The following RASSF5 variants were observed in gnomAD, a reference collection of about 807,000 sequenced individuals.
The protein encoded by RASSF5 is Ras association domain family member 5.
In RASSF5, 25 loss-of-function variants were observed where a neutral mutation model predicts 40.5. That is an observed-to-expected ratio of 0.62 (90% CI 0.45 to 0.86). The LOEUF (loss-of-function observed/expected upper bound fraction) is 0.86. RASSF5 is among the 40% of genes least tolerant of loss of function. The pLI, the probability that RASSF5 is intolerant of heterozygous loss-of-function variation, is 0.00. For missense variants in RASSF5, 521 were observed against 572.8 expected (o/e 0.91, Z 0.92); for synonymous variants, 246 against 252.4 (o/e 0.97, Z 0.24).
At chr1:206,561,066 G>T (rs1476369720) in intron 2 of RASSF5, among the ~76,000 whole-genome samples, 2 of 152,206 alleles carry the variant, frequency 1.3e-5, no homozygotes, top group Admixed American at 6.5e-5. Flanking sequence ...TGAACTCTTG[G>T]CATGTTAAAC....
Position 206,583,373 on chromosome 1 carries a change from G to C in RASSF5, c.684G>C (p.Met228Ile). 1 of 1,610,958 alleles carries C rather than the reference G, an allele frequency of 6.2e-7. No homozygotes were observed. Among genetic ancestry groups the C allele is most frequent in the South Asian group, 1.1e-5 (1 of 91,026 alleles). ...YNTREKNCLG[M>I]KLSEDGTYTG... ...CGCGAGAGAAGAACTGCCTGGGCAT[G>C]AAACTGGTAAGCGCCCGTCCACCCT... The change falls in exon 3 of 6, where the codon ATG becomes ATC. Residue 228 changes from methionine to isoleucine, a missense_variant. Met to Ile is a conservative substitution (Grantham distance 10). Around this residue, in one of 2 missense-constraint regions of RASSF5, gnomAD observed 284 missense variants for 360.8 expected, o/e 0.79. Coordinates refer to ENST00000579436, the MANE Select transcript of RASSF5 (RefSeq NM_182663.4).
chr1:206,565,689 T>C (rs1241326106), intron 2 of RASSF5, among the ~76,000 whole-genome samples: 2 of 152,186 alleles, frequency 1.3e-5, no homozygotes, highest in African/African-American at 4.8e-5. Flanking sequence ...TGCAGCCACA[T>C]GGCCTTTATC....
intron 2 of RASSF5, among the ~76,000 whole-genome samples, chr1:206,565,235 G>T (rs1487151816): frequency 6.6e-6 from 1 of 151,984 alleles, no homozygotes; most frequent in South Asian, 2.1e-4. Context: ...CTCTGTCCCC[G>T]CCTCACCCTG....
At chr1:206,548,449 C>T (rs1553400573) in intron 2 of RASSF5, among the ~76,000 whole-genome samples, 1 of 152,128 alleles carries the variant, frequency 6.6e-6, no homozygotes, top group Non-Finnish European at 1.5e-5. Flanking sequence ...AGGAACAATA[C>T]GAGATGCTCA....
intron 1 of RASSF5, among the ~76,000 whole-genome samples, chr1:206,525,843 G>A (rs1415606990): frequency 3.9e-5 from 6 of 152,158 alleles, no homozygotes; most frequent in African/African-American, 1.4e-4. Flanking sequence ...CGCTAAAAGT[G>A]TATGTCAATC....
intron 2 of RASSF5, among the ~76,000 whole-genome samples, chr1:206,548,961 G>A (rs932061025): frequency 6.6e-6 from 1 of 152,038 alleles, no homozygotes; most frequent in African/African-American, 2.4e-5. Flanking sequence ...TGTCTCCTGG[G>A]TCCAAGTGAT....
At chr1:206,529,620 G>A (rs577641737) in intron 1 of RASSF5, 14 of 767,716 alleles carry the variant, frequency 1.8e-5, no homozygotes, top group South Asian at 4.0e-5. Flanking sequence ...TCACTGGGGC[G>A]GCAATGTCCT....
chr1:206,541,387 C>A (rs1424978189), intron 2 of RASSF5, among the ~76,000 whole-genome samples: 1 of 152,160 alleles, frequency 6.6e-6, no homozygotes, highest in African/African-American at 2.4e-5. Flanking sequence ...TTGTCTCTGC[C>A]ATGCCACAGG....
rs782301149 is a variant in RASSF5, at chr1:206,584,504, C to T, written c.808C>T (p.Leu270=). 68 of 1,614,016 alleles carry T rather than the reference C, an allele frequency of 4.2e-5. No individual in the cohort carries two copies. Among genetic ancestry groups the T allele is most frequent in the Non-Finnish European group, 5.8e-5 (68 of 1,180,006 alleles). ...SIYDAIKEVN[L]AATTDKRTSF... Reference sequence around the variant, plus strand: ...CTATGATGCCATCAAGGAGGTGAACCTGGCGGCTACCACGGACAAGCGGAC... The same window carrying T: ...CTATGATGCCATCAAGGAGGTGAACTTGGCGGCTACCACGGACAAGCGGAC... The change falls in exon 4 of 6, where the codon CTG becomes TTG. Residue 270 remains leucine (L), a synonymous_variant. Coordinates refer to ENST00000579436, the MANE Select transcript of RASSF5 (RefSeq NM_182663.4). This position sits in a 1 kb window ranked among gnomAD's most constrained non-coding sequence, Gnocchi z 4.9.
intron 1 of RASSF5, among the ~76,000 whole-genome samples, chr1:206,533,779 AC>A (rs1232312598): frequency 6.6e-6 from 1 of 151,910 alleles, no homozygotes; most frequent in African/African-American, 2.4e-5. Flanking sequence ...AAAAGTTCTA[AC>A]CCCCAGTAGT....
At chr1:206,528,150 C>T (rs868975766) in intron 1 of RASSF5, among the ~76,000 whole-genome samples, 4 of 151,892 alleles carry the variant, frequency 2.6e-5, no homozygotes, top group South Asian at 2.1e-4. Flanking sequence ...GAATATTATT[C>T]ACCAATAAGA....
intron 2 of RASSF5, among the ~76,000 whole-genome samples, chr1:206,546,362 C>T (rs1667694270): frequency 6.6e-6 from 1 of 152,096 alleles, no homozygotes; most frequent in Admixed American, 6.5e-5. Context: ...CCTCCCACCT[C>T]AGCCTCCCAA....
intron 2 of RASSF5, among the ~76,000 whole-genome samples, chr1:206,561,365 A>G (rs1415016559): frequency 6.6e-6 from 1 of 152,200 alleles, no homozygotes; most frequent in Non-Finnish European, 1.5e-5. Flanking sequence ...ACCTTCTACA[A>G]AATGGAACAC....
intron 1 of RASSF5, chr1:206,529,785 T>TGTG (rs1479435116): frequency 2.3e-6 from 1 of 428,096 alleles, no homozygotes; most frequent in Non-Finnish European, 4.4e-6. Context: ...ATTAACCAGG[T>TGTG]GTGGTGGTGT....
At chr1:206,523,825 TATATA>T (rs1315813303) in intron 1 of RASSF5, among the ~76,000 whole-genome samples, 4 of 106,522 alleles carry the variant, frequency 3.8e-5, no homozygotes, top group Non-Finnish European at 6.7e-5. Flanking sequence ...TTATATATTA[TATATA>T]ATATATTTTA....
At position 206,585,366 on chromosome 1, in the gene RASSF5, A is replaced by G. The variant is rs1463680816; in HGVS notation, c.1104+71A>G. 1.2e-5 allele frequency: 13 copies of G among 1,104,042 alleles called. No homozygotes were observed. The Admixed American group carries it at 2.2e-4, about 19-fold the overall frequency. The allele number at this position is 1,104,042 out of a possible 1,614,324, so 68.4% of individuals were successfully genotyped here. On this transcript the variant is annotated intron_variant, in intron 5 of 5. Transcript: ENST00000579436. ...GGTGGGTGCAGGTGGGTGTTGTCCT[A>G]ACTACCTCACATAGGTGGGAGCCAC...
chr1:206,550,600 G>A (rs1667813202), intron 2 of RASSF5, among the ~76,000 whole-genome samples: 1 of 152,098 alleles, frequency 6.6e-6, no homozygotes, highest in Non-Finnish European at 1.5e-5. Context: ...TGGTTGTTGT[G>A]GCAACTGTAT....
Position 206,560,367 on chromosome 1 carries a change from C to T in RASSF5, c.579+22074C>T, listed in dbSNP as rs1046430298. On this transcript the variant is annotated intron_variant, in intron 2 of 5. Coordinates refer to ENST00000579436, the MANE Select transcript of RASSF5 (RefSeq NM_182663.4). The surrounding 1 kb of genome is among the most constrained non-coding windows in gnomAD (Gnocchi z 5.1). ...TCTCCAATGCCCTTTGGGAAGAGGTCGGAGGGGTGGGAAAGGTCTCCCCAT... is the reference window on the plus strand; with the variant it reads ...TCTCCAATGCCCTTTGGGAAGAGGTTGGAGGGGTGGGAAAGGTCTCCCCAT... 6.6e-6 allele frequency among the ~76,000 whole-genome samples: 1 copy of T among 152,074 alleles called. No individual in the cohort carries two copies. Among genetic ancestry groups the T allele is most frequent in the Non-Finnish European group, 1.5e-5 (1 of 68,002 alleles).
intron 2 of RASSF5, among the ~76,000 whole-genome samples, chr1:206,540,874 G>A (rs1458664989): frequency 6.6e-6 from 1 of 152,092 alleles, no homozygotes; most frequent in African/African-American, 2.4e-5. Context: ...TCTCGTCTCA[G>A]TGGCATTTCT....
Sources: allele counts gnomAD v4.1 joint callset (sites outside exome capture counted in the v4.1 genomes callset), GRCh38; gene constraint gnomAD v4.1.1; regional missense constraint gnomAD v4.1.1; non-coding constraint Gnocchi (gnomAD v3.1); transcripts MANE v1.5; gene names NCBI Gene and HGNC (gene_info 2026-07-23, HGNC 2026-07-21).